Variants in SFXN5 observed in about 807,000 individuals in gnomAD.
SFXN5 encodes the protein sideroflexin-5.
A neutral mutation model predicts 50.2 loss-of-function variants in SFXN5; 43 were observed. That is an observed-to-expected ratio of 0.86 (90% confidence interval 0.67 to 1.11). The LOEUF (loss-of-function observed/expected upper bound fraction) is 1.11. Ranked by LOEUF, SFXN5 falls within the 50% of genes least tolerant of loss-of-function variation. The probability of loss-of-function intolerance (pLI) is 0.00; values close to 1 mark genes in which losing one functional copy is unlikely to be tolerated. For synonymous variants in SFXN5, 203 were observed against 185.8 expected, an observed-to-expected ratio of 1.09 and a Z score of -0.75; for missense variants, 463 against 454.1, an observed-to-expected ratio of 1.02 and a Z score of -0.18.
intron 2 of SFXN5, among the ~76,000 whole-genome samples, chr2:73,047,044 G>T (rs1292640274): frequency 6.7e-6 from 1 of 149,674 alleles, no homozygotes; most frequent in East Asian, 2.0e-4. Flanking sequence ...GGACAACATG[G>T]TGAAACTCCA....
chr2:73,048,633 A>T (rs1221336877), intron 2 of SFXN5, among the ~76,000 whole-genome samples: 1 of 152,358 alleles, frequency 6.6e-6, no homozygotes, highest in East Asian at 1.9e-4. Flanking sequence ...TCCAGTATTT[A>T]GGAACTACTA....
intron 3 of SFXN5, among the ~76,000 whole-genome samples, chr2:73,039,362 T>C (rs4514897): frequency 0.43 from 64,982 of 152,132 alleles, 16,962 homozygotes; most frequent in Middle Eastern, 0.62. Context: ...AAGGAAAGTA[T>C]GCCAATGAAA....
chr2:73,040,722 T>C (rs1172121682), intron 3 of SFXN5, 132 bp downstream of exon 3: 1 of 634,608 alleles, frequency 1.6e-6, no homozygotes, highest in African/African-American at 1.8e-5. Context: ...GAGCTTTTAG[T>C]CCACAGGGGT....
intron 2 of SFXN5, among the ~76,000 whole-genome samples, chr2:73,047,324 T>TAC (rs1680621742): frequency 1.6e-5 from 2 of 124,154 alleles, no homozygotes; most frequent in African/African-American, 2.7e-5. Context: ...TGTATGTATA[T>TAC]ATATGTGTAT....
At chr2:73,063,738 GGAA>G (rs773995952) in intron 1 of SFXN5, among the ~76,000 whole-genome samples, 1 of 152,176 alleles carries the variant, frequency 6.6e-6, no homozygotes, top group Non-Finnish European at 1.5e-5. Context: ...GGTGGTTACT[GGAA>G]GAAGGTTGTT....
intron 13 of SFXN5, among the ~76,000 whole-genome samples, chr2:72,959,876 CCTGT>C (rs751043568): frequency 2.0e-5 from 3 of 152,142 alleles, no homozygotes; most frequent in Non-Finnish European, 4.4e-5. Flanking sequence ...CGGCTGTGGA[CCTGT>C]CTTTCTCATT....
At chr2:72,985,565 G>C (rs916086985) in intron 10 of SFXN5, among the ~76,000 whole-genome samples, 1 of 151,630 alleles carries the variant, frequency 6.6e-6, no homozygotes, top group Non-Finnish European at 1.5e-5. Context: ...GAAGCCTGTG[G>C]GGGGGTGGGA....
At chr2:72,993,499 G>T (rs1672861586) in intron 9 of SFXN5, among the ~76,000 whole-genome samples, 2 of 152,218 alleles carry the variant, frequency 1.3e-5, no homozygotes. Context: ...GCCCCACAAG[G>T]GCCAGGGGGC....
intron 7 of SFXN5, 65 bp from the exon 8 acceptor site, chr2:73,000,552 C>T: frequency 2.0e-6 from 3 of 1,466,190 alleles, no homozygotes; most frequent in Non-Finnish European, 1.9e-6. Context: ...CAGGCCTGGA[C>T]CCCAGGAGGC....
chr2:73,019,969 G>GACA (rs1676653130), intron 6 of SFXN5: 3 of 374,112 alleles, frequency 8.0e-6, no homozygotes, highest in Non-Finnish European at 1.4e-5. Flanking sequence ...AGGTGCTAAT[G>GACA]ACAACAGTGG....
intron 3 of SFXN5, among the ~76,000 whole-genome samples, chr2:73,028,761 T>C (rs1169338285): frequency 6.6e-6 from 1 of 152,040 alleles, no homozygotes; most frequent in Non-Finnish European, 1.5e-5. Flanking sequence ...CATGCATACA[T>C]AGGAAAGAAA....
At chr2:72,948,105 G>A (rs1310533518) in intron 13 of SFXN5, among the ~76,000 whole-genome samples, 1 of 152,206 alleles carries the variant, frequency 6.6e-6, no homozygotes, top group African/African-American at 2.4e-5. Context: ...CTTCGGGAAA[G>A]CTGTTAAACA....
intron 10 of SFXN5, among the ~76,000 whole-genome samples, chr2:72,978,684 C>T (rs976283624): frequency 1.3e-5 from 2 of 151,958 alleles, no homozygotes; most frequent in South Asian, 2.1e-4. Flanking sequence ...GCCCGTATGC[C>T]CACCTGGCAA....
intron 11 of SFXN5, among the ~76,000 whole-genome samples, chr2:72,969,028 G>A (rs913236506): frequency 1.3e-5 from 2 of 151,676 alleles, no homozygotes; most frequent in Non-Finnish European, 2.9e-5. Context: ...GGCTGGTCTC[G>A]AACTCCTGAC....
At chr2:72,995,983 C>T (rs932011025) in intron 9 of SFXN5, among the ~76,000 whole-genome samples, 3 of 152,286 alleles carry the variant, frequency 2.0e-5, no homozygotes, top group Admixed American at 1.3e-4. Flanking sequence ...TCAAGGCCAG[C>T]GATCAATCAG....
At chr2:72,970,659 C>A (rs1426748728) in intron 11 of SFXN5, among the ~76,000 whole-genome samples, 1 of 151,888 alleles carries the variant, frequency 6.6e-6, no homozygotes, top group African/African-American at 2.4e-5. Flanking sequence ...GCTGGGAAAG[C>A]AGAGGGAGAT....
chr2:72,989,711 A>C (rs1263922632), intron 9 of SFXN5, among the ~76,000 whole-genome samples: 1 of 152,174 alleles, frequency 6.6e-6, no homozygotes, highest in African/African-American at 2.4e-5. Context: ...GGCTAGGCAG[A>C]GGAAAAGGAC....
At chr2:73,050,388 G>GCGCGCACA in intron 2 of SFXN5, among the ~76,000 whole-genome samples, 65 of 143,910 alleles carry the variant, frequency 4.5e-4, no homozygotes, top group African/African-American at 1.3e-3. Flanking sequence ...CAGCCACAGC[G>GCGCGCACA]CACGCACACA....
At chr2:73,047,255 T>TATATATATATATATATATATATACACAC in intron 2 of SFXN5, among the ~76,000 whole-genome samples, 1 of 61,868 alleles carries the variant, frequency 1.6e-5, no homozygotes, top group Non-Finnish European at 2.9e-5. Flanking sequence ...AATATATATA[T>TATATATATATATATATATATATACACAC]ATATATATAT....
Sources: allele counts gnomAD v4.1 joint callset (sites outside exome capture counted in the v4.1 genomes callset), GRCh38; gene constraint gnomAD v4.1.1; transcripts MANE v1.5; gene names NCBI Gene and HGNC (gene_info 2026-07-23, HGNC 2026-07-21).